The following LASP1 variants were observed in gnomAD, a reference collection of about 807,000 sequenced individuals.
The protein encoded by LASP1 is LIM and SH3 domain protein 1.
LASP1 carries 10 observed loss-of-function variants against 38.6 expected under a neutral mutation model. The observed-to-expected ratio is 0.26, with a 90% CI of 0.16 to 0.44. LASP1 has a LOEUF of 0.44. Among genes scored for constraint, LASP1 ranks in the 20% least tolerant of loss-of-function variants. The pLI, the probability that LASP1 is intolerant of heterozygous loss-of-function variation, is 1.00. For missense variants in LASP1, 243 were observed against 375.7 expected (o/e 0.65, Z 2.92); for synonymous variants, 132 against 140.8 (o/e 0.94, Z 0.44).
chr17:38,914,397 C>T lies in LASP1; in HGVS notation c.430C>T (p.Arg144Trp), dbSNP rs768616192. Residue 144 changes from arginine to tryptophan, a missense_variant, in exon 5 of 7, where the codon CGG becomes TGG. Arg to Trp is a moderately radical substitution (Grantham distance 101). Around this residue, in one of 4 missense-constraint regions of LASP1, gnomAD observed 165 missense variants for 210.3 expected, o/e 0.78. Coordinates refer to ENST00000318008, the MANE Select transcript of LASP1 (RefSeq NM_006148.4). ...GGGCGAGGGCATGGAGCCAGAGCGTCGGGATTCACAGGACGGCAGCAGCTA... is the reference window on the plus strand; with the variant it reads ...GGGCGAGGGCATGGAGCCAGAGCGTTGGGATTCACAGGACGGCAGCAGCTA... ...SGGEGMEPER[R>W]DSQDGSSYRR... 5.6e-6 allele frequency: 9 copies of T among 1,611,960 alleles called. No individual in the cohort carries two copies. In the Admixed American group the frequency reaches 6.7e-5, roughly 12 times the overall value.
At chr17:38,896,362 C>T (rs1333012037) in intron 3 of LASP1, among the ~76,000 whole-genome samples, 4 of 152,188 alleles carry the variant, frequency 2.6e-5, no homozygotes, top group African/African-American at 9.7e-5. Context: ...TAGAAACACA[C>T]AGCAAGGTGG....
Position 38,897,183 on chromosome 17 carries a change from G to C in LASP1, c.250-1229G>C, listed in dbSNP as rs989091464. 8.7e-6 allele frequency: 6 copies of C among 691,774 alleles called. No homozygotes were observed. The African/African-American group carries it at 1.2e-4, about 13-fold the overall frequency. The allele number at this position is 691,774 out of a possible 1,614,324, so 42.9% of individuals were successfully genotyped here. ...TCTTGTCTGGATCAGAACAGAGAAG[G>C]AGAGGGAACCACATGGATGAGTGAC... On this transcript the variant is annotated intron_variant, in intron 3 of 6. Coordinates refer to ENST00000318008, the MANE Select transcript of LASP1 (RefSeq NM_006148.4).
At chr17:38,876,813 C>T (rs973789556) in intron 1 of LASP1, among the ~76,000 whole-genome samples, 6 of 151,728 alleles carry the variant, frequency 4.0e-5, no homozygotes, top group Admixed American at 6.6e-5. Context: ...CGCCATTCTC[C>T]TGCCTCAGCC....
chr17:38,898,721 AT>A, intron 4 of LASP1: 2 of 645,890 alleles, frequency 3.1e-6, no homozygotes, highest in Admixed American at 2.1e-5. Flanking sequence ...CACGCATAGC[AT>A]TTTCTTCTTG....
intron 1 of LASP1, among the ~76,000 whole-genome samples, chr17:38,872,479 G>T (rs1182885585): frequency 6.6e-6 from 1 of 152,176 alleles, no homozygotes; most frequent in African/African-American, 2.4e-5. Context: ...AAGTGGCCCT[G>T]GAGAGACCTC....
intron 3 of LASP1, among the ~76,000 whole-genome samples, chr17:38,896,356 AAC>A (rs1234473696): frequency 6.6e-6 from 1 of 152,138 alleles, no homozygotes; most frequent in African/African-American, 2.4e-5. Context: ...CTTGCTTAGA[AAC>A]ACACAGCAAG....
chr17:38,898,098 T>C (rs1020431869), intron 3 of LASP1, among the ~76,000 whole-genome samples: 6 of 152,208 alleles, frequency 3.9e-5, no homozygotes, highest in Non-Finnish European at 5.9e-5. Flanking sequence ...TGTGGCTCCG[T>C]TTCCTGATCC....
chr17:38,888,230 G>T (rs1914202122), intron 2 of LASP1, among the ~76,000 whole-genome samples: 1 of 152,084 alleles, frequency 6.6e-6, no homozygotes, highest in Non-Finnish European at 1.5e-5. Flanking sequence ...TGATGAGAGA[G>T]GGATGGAGAA....
chr17:38,898,561 G>C (rs549181618), intron 4 of LASP1, 42 bp downstream of exon 4: 3 of 1,426,760 alleles, frequency 2.1e-6, no homozygotes, highest in Non-Finnish European at 2.9e-6. Flanking sequence ...GCTGCCCTCT[G>C]TTTGGTCCCC....
intron 2 of LASP1, among the ~76,000 whole-genome samples, chr17:38,878,473 C>G (rs1341978283): frequency 1.3e-5 from 2 of 152,168 alleles, no homozygotes; most frequent in Non-Finnish European, 2.9e-5. Flanking sequence ...GGCTCTAACC[C>G]AATTTCGGGC....
At chr17:38,892,484 C>T (rs78929861) in intron 3 of LASP1, among the ~76,000 whole-genome samples, 1,662 of 151,690 alleles carry the variant, frequency 0.011, 36 homozygotes, top group African/African-American at 0.038. Context: ...GCCATGGGGG[C>T]CAGAGGTGGA....
At chr17:38,911,336 G>T (rs1201376587) in intron 4 of LASP1, among the ~76,000 whole-genome samples, 1 of 152,216 alleles carries the variant, frequency 6.6e-6, no homozygotes, top group Non-Finnish European at 1.5e-5. Context: ...AGTGGCGAGG[G>T]TGGGCTGCCT....
At chr17:38,912,628 G>A (rs1039827685) in intron 4 of LASP1, among the ~76,000 whole-genome samples, 4 of 152,160 alleles carry the variant, frequency 2.6e-5, no homozygotes, top group African/African-American at 9.7e-5. Flanking sequence ...CATCTGGACA[G>A]TTTTCAGACC....
At chr17:38,914,705 C>G (rs1199351255) in intron 5 of LASP1, among the ~76,000 whole-genome samples, 4 of 151,088 alleles carry the variant, frequency 2.6e-5, no homozygotes, top group Non-Finnish European at 4.4e-5. Flanking sequence ...CACACACACA[C>G]ACACACACAT....
chr17:38,900,532 G>T (rs1264791248), intron 4 of LASP1, among the ~76,000 whole-genome samples: 2 of 152,104 alleles, frequency 1.3e-5, no homozygotes. Context: ...AATTAGCTGG[G>T]CGTGGTGGCG....
chr17:38,873,088 A>C (rs1260717577), intron 1 of LASP1, among the ~76,000 whole-genome samples: 1 of 152,150 alleles, frequency 6.6e-6, no homozygotes, highest in East Asian at 1.9e-4. Flanking sequence ...TGTGTTGTCA[A>C]GAACCTCGCC....
chr17:38,903,964 CAGTGTTCAAGT>C, intron 4 of LASP1: 2 of 152,326 alleles, frequency 1.3e-5, no homozygotes, highest in South Asian at 2.1e-4. Context: ...TGAGCTCTAG[CAGTGTTCAAGT>C]ATGGAAAACT....
intron 1 of LASP1, among the ~76,000 whole-genome samples, chr17:38,876,176 CTTTT>C (rs899457098): frequency 7.8e-6 from 1 of 127,622 alleles, no homozygotes. Flanking sequence ...GATCGTTTCT[CTTTT>C]TTTTTTTTTT....
At chr17:38,891,560 G>A (rs1351607216) in intron 3 of LASP1, among the ~76,000 whole-genome samples, 1 of 152,160 alleles carries the variant, frequency 6.6e-6, no homozygotes, top group African/African-American at 2.4e-5. Context: ...AGGTCCTGCG[G>A]GTAGGAGAGG....
Sources: gnomAD v4.1 joint callset for allele counts (sites outside exome capture counted in the v4.1 genomes callset) on GRCh38, gnomAD v4.1.1 for gene constraint, gnomAD v4.1.1 regional missense constraint, MANE v1.5 for transcripts, NCBI Gene and HGNC (gene_info 2026-07-23, HGNC 2026-07-21) for gene names.